Variants in PCDHGA3 observed in about 807,000 individuals in gnomAD.
PCDHGA3 encodes protocadherin gamma subfamily A, 3.
A neutral mutation model predicts 58.5 loss-of-function variants in PCDHGA3; 40 were observed. The observed-to-expected ratio is 0.68, with a 90% CI of 0.53 to 0.89. The LOEUF is 0.89. Ranked by LOEUF, PCDHGA3 falls within the 40% of genes least tolerant of loss-of-function variation. The pLI is 0.00. For missense variants in PCDHGA3, 1,223 were observed against 1,195.9 expected (o/e 1.02, Z -0.33); for synonymous variants, 530 against 525.7 (o/e 1.01, Z -0.11).
rs775426401 is a variant in PCDHGA3, at chr5:141,350,605, C to A, written c.2424+4148C>A. The A allele has an allele frequency of 1.2e-6, 2 of 1,613,998 alleles. No individual in the cohort carries two copies. The highest frequency in any genetic ancestry group is 1.7e-6 in the Non-Finnish European group (2 of 1,179,886). On this transcript the variant is annotated intron_variant, in intron 1 of 3. Coordinates refer to ENST00000253812, the MANE Select transcript of PCDHGA3 (RefSeq NM_018916.4). The stretch of plus-strand genomic sequence containing the variant: ...CTGAAAACCCAATGAATGTTTTCCA[C>A]GTGGTTGTTGTAATCCAAGATATTA...
chr5:141,436,635 A>G (rs953396225), intron 1 of PCDHGA3, among the ~76,000 whole-genome samples: 8 of 152,184 alleles, frequency 5.3e-5, no homozygotes, highest in African/African-American at 1.9e-4. Context: ...ACAACATGCA[A>G]TTAATTAACA....
At chr5:141,370,645 T>TA in intron 1 of PCDHGA3, 1 of 1,613,922 alleles carries the variant, frequency 6.2e-7, no homozygotes, top group Non-Finnish European at 8.5e-7. Flanking sequence ...AATGGGAACT[T>TA]ACTTGTGAGC....
rs890986492 is a variant in PCDHGA3, at chr5:141,346,426, T to C, written c.2393T>C (p.Leu798Pro). The change falls in exon 1 of 4, where the codon CTT becomes CCT. Residue 798 changes from leucine to proline, a missense_variant. Around this residue, in one of 3 missense-constraint regions of PCDHGA3, gnomAD observed 325 missense variants for 327.5 expected, o/e 0.99. Coordinates refer to ENST00000253812, the MANE Select transcript of PCDHGA3 (RefSeq NM_018916.4). ...SEPLLITQDL[L>P]EMKGDSNLLQ... ...CCTCTTCTGATAACTCAGGATTTAC[T>C]TGAAATGAAAGGAGATTCCAACCTA... 1.2e-6 allele frequency: 2 copies of C among 1,614,276 alleles called. No homozygotes were observed. The highest frequency in any genetic ancestry group is 1.3e-5 in the African/African-American group (1 of 75,078).
chr5:141,489,692 G>A lies in PCDHGA3; in HGVS notation c.2425-5115G>A. 1.9e-6 allele frequency: 3 copies of A among 1,614,128 alleles called. No individual in the cohort carries two copies. The highest frequency in any genetic ancestry group is 1.7e-6 in the Non-Finnish European group (2 of 1,179,980). On this transcript the variant is annotated intron_variant, in intron 1 of 3. Coordinates refer to ENST00000253812, the MANE Select transcript of PCDHGA3 (RefSeq NM_018916.4). The surrounding 1 kb of genome is among the most constrained non-coding windows in gnomAD (Gnocchi z 4.5). The stretch of plus-strand genomic sequence containing the variant: ...TCAGAATCAGCAGCATCTGGGGCAC[G>A]ATTCCCACTGGACAGTGCCCAGGAT...
Position 141,490,046 on chromosome 5 carries a change from C to A in PCDHGA3, c.2425-4761C>A, listed in dbSNP as rs2099695274. ...CTGCTCCGCCTCAATGCCACTGATC[C>A]AGACGAGGGCACCAACGGCCAACTA... On this transcript the variant is annotated intron_variant, in intron 1 of 3. Transcript: ENST00000253812. This position sits in a 1 kb window ranked among gnomAD's most constrained non-coding sequence, Gnocchi z 5.4. 1 of 1,614,094 alleles carries A rather than the reference C, an allele frequency of 6.2e-7. No individual in the cohort carries two copies.
intron 1 of PCDHGA3, among the ~76,000 whole-genome samples, chr5:141,474,136 G>A (rs1383142266): frequency 1.3e-5 from 2 of 152,056 alleles, no homozygotes; most frequent in East Asian, 3.8e-4. Context: ...AAAACTACAG[G>A]CCTTATTATC....
At chr5:141,366,651 A>G (rs767855798) in intron 1 of PCDHGA3, 5 of 1,614,244 alleles carry the variant, frequency 3.1e-6, no homozygotes, top group East Asian at 2.2e-5. Flanking sequence ...CCCCAGCCCA[A>G]CTACGCAGAC....
chr5:141,355,459 G>A, intron 1 of PCDHGA3: 3 of 1,614,080 alleles, frequency 1.9e-6, no homozygotes, highest in Non-Finnish European at 2.5e-6. Flanking sequence ...CTTGGTCACC[G>A]CGGGTAGGAT....
intron 1 of PCDHGA3, chr5:141,422,106 C>T: frequency 6.2e-7 from 1 of 1,607,266 alleles, no homozygotes; most frequent in Non-Finnish European, 8.5e-7. Flanking sequence ...CTGAAATATT[C>T]CAATTGGATT....
At chr5:141,478,044 C>G in intron 1 of PCDHGA3, 1 of 1,614,184 alleles carries the variant, frequency 6.2e-7, no homozygotes. Flanking sequence ...CCCAGGCAGA[C>G]TCTCACGGTC....
At chr5:141,351,158 A>G in intron 1 of PCDHGA3, 1 of 1,614,062 alleles carries the variant, frequency 6.2e-7, no homozygotes, top group South Asian at 1.1e-5. Flanking sequence ...CATCACAACC[A>G]ATGGCACATT....
intron 1 of PCDHGA3, chr5:141,409,449 C>A (rs1317609642): frequency 6.2e-7 from 1 of 1,613,934 alleles, no homozygotes; most frequent in South Asian, 1.1e-5. Flanking sequence ...GAGCAGACAC[C>A]AGAATACAAT....
intron 1 of PCDHGA3, chr5:141,404,402 A>T: frequency 6.2e-7 from 1 of 1,613,850 alleles, no homozygotes; most frequent in Non-Finnish European, 8.5e-7. Context: ...TAGCAATGAG[A>T]ATTCTAGAGT....
chr5:141,441,843 G>T, intron 1 of PCDHGA3: 1 of 356,176 alleles, frequency 2.8e-6, no homozygotes. Context: ...TCGCGCTCTT[G>T]GATATGGTGC....
chr5:141,400,322 G>T lies in PCDHGA3; in HGVS notation c.2424+53865G>T, dbSNP rs1025265322. The stretch of plus-strand genomic sequence containing the variant: ...CAACCTGGTCTCTGTGTCAAGTCTG[G>T]ACCTGTGGTTCCCCCCAACTACAGT... On this transcript the variant is annotated intron_variant, in intron 1 of 3. Transcript: ENST00000253812. 1.9e-6 allele frequency: 3 copies of T among 1,613,952 alleles called. No homozygotes were observed. In the African/African-American group the frequency reaches 4.0e-5, roughly 22 times the overall value.
Position 141,511,617 on chromosome 5 carries a change from C to T in PCDHGA3, c.*444C>T, listed in dbSNP as rs1562253545. The T allele has an allele frequency of 4.3e-6, 1 of 233,232 alleles. No homozygotes were observed. Among genetic ancestry groups the T allele is most frequent in the African/African-American group, 2.2e-5 (1 of 45,220 alleles). The allele number at this position is 233,232 out of a possible 1,614,324, so 14.4% of individuals were successfully genotyped here. A position where few individuals can be genotyped will look rare whatever the true frequency, so the allele number is the denominator to read the frequency against. Reference sequence around the variant, plus strand: ...CAAGTAACCTACAAGCCTCCTAGTTCTGAAAAGTTGGAAGGGCATCATGAC... The same window carrying T: ...CAAGTAACCTACAAGCCTCCTAGTTTTGAAAAGTTGGAAGGGCATCATGAC... On this transcript the variant is annotated 3_prime_UTR_variant, in exon 4 of 4. Coordinates refer to ENST00000253812, the MANE Select transcript of PCDHGA3 (RefSeq NM_018916.4).
intron 3 of PCDHGA3, among the ~76,000 whole-genome samples, chr5:141,507,479 C>T (rs1050741571): frequency 1.3e-5 from 2 of 152,198 alleles, no homozygotes; most frequent in East Asian, 1.9e-4. Flanking sequence ...GACTGCTGGC[C>T]TCCTGAGGCA....
At chr5:141,502,008 C>T (rs753492460) in intron 2 of PCDHGA3, among the ~76,000 whole-genome samples, 6 of 152,086 alleles carry the variant, frequency 3.9e-5, no homozygotes, top group Non-Finnish European at 8.8e-5. Context: ...AACCCGCATG[C>T]TCTCCTCCCT....
chr5:141,432,663 G>A lies in PCDHGA3; in HGVS notation c.2425-62144G>A. ...CGCACGGCGCGAGCCCTGCTGGACA[G>A]AGACGCGCTCAAGCAGAGCCTCGTA... On this transcript the variant is annotated intron_variant, in intron 1 of 3. Coordinates refer to ENST00000253812, the MANE Select transcript of PCDHGA3 (RefSeq NM_018916.4). This position sits in a 1 kb window ranked among gnomAD's most constrained non-coding sequence, Gnocchi z 6.0. 1 of 1,613,886 alleles carries A rather than the reference G, an allele frequency of 6.2e-7. No individual in the cohort carries two copies. Among genetic ancestry groups the A allele is most frequent in the Non-Finnish European group, 8.5e-7 (1 of 1,179,952 alleles).
Sources: gnomAD v4.1 joint callset for allele counts (sites outside exome capture counted in the v4.1 genomes callset) on GRCh38, gnomAD v4.1.1 for gene constraint, gnomAD v4.1.1 regional missense constraint, Gnocchi (gnomAD v3.1) non-coding constraint, MANE v1.5 for transcripts, NCBI Gene and HGNC (gene_info 2026-07-23, HGNC 2026-07-21) for gene names.